Variants in COX16 observed in about 807,000 individuals in gnomAD.
COX16 encodes the protein cytochrome c oxidase assembly protein COX16 homolog, mitochondrial.
COX16 carries 12 observed loss-of-function variants against 15.4 expected under a neutral mutation model. The observed-to-expected ratio is 0.78, with a 90% CI of 0.50 to 1.26. The LOEUF is 1.26. Ranked by LOEUF, COX16 falls within the 50% of genes most tolerant of loss-of-function variation. COX16 has a pLI of 0.00. For missense variants in COX16, 124 were observed against 127.6 expected, an observed-to-expected ratio of 0.97 and a Z score of 0.14; for synonymous variants, 46 against 41.1, an observed-to-expected ratio of 1.12 and a Z score of -0.46.
At position 70,325,126 on chromosome 14, in the gene COX16, A is replaced by G. The variant is rs1886025584; in HGVS notation, c.*1207T>C. On this transcript the variant is annotated 3_prime_UTR_variant, in exon 4 of 4. Coordinates refer to ENST00000389912, the MANE Select transcript of COX16 (RefSeq NM_016468.7). ...TTAAAACCAACCTGCTGAAAAGAAT[A>G]CAAATTTTGACTAGGAGGAGAAAGG... 6.6e-6 allele frequency: 1 copy of G among 152,210 alleles called. No homozygotes were observed. Among genetic ancestry groups the G allele is most frequent in the African/African-American group, 2.4e-5 (1 of 41,460 alleles). The allele number at this position is 152,210 out of a possible 1,614,324, so 9.4% of individuals were successfully genotyped here.
At chr14:70,353,164 G>A (rs1377013413) in intron 1 of COX16, among the ~76,000 whole-genome samples, 1 of 151,202 alleles carries the variant, frequency 6.6e-6, no homozygotes, top group Non-Finnish European at 1.5e-5. Flanking sequence ...GGGAGGCTGA[G>A]GCAGGAGAAT....
At chr14:70,330,849 T>C (rs1383534213) in intron 2 of COX16, among the ~76,000 whole-genome samples, 1 of 151,858 alleles carries the variant, frequency 6.6e-6, no homozygotes, top group Non-Finnish European at 1.5e-5. Context: ...TCACATCACA[T>C]ACAAAAAAAG....
In COX16 at chr14:70,359,676, A is replaced by G. The variant is rs915959953; in HGVS notation, c.-89T>C. 1.7e-4 allele frequency: 191 copies of G among 1,137,188 alleles called. No homozygotes were observed. The highest frequency in any genetic ancestry group is 3.9e-4 in the Middle Eastern group (2 of 5,156). The allele number at this position is 1,137,188 out of a possible 1,614,324, so 70.4% of individuals were successfully genotyped here. The stretch of plus-strand genomic sequence containing the variant: ...AGCTCACGCTCTCACCAAGACGAGT[A>G]CGTCCTTAACTCACTTCCTTTTCCT... On this transcript the variant is annotated 5_prime_UTR_variant, in exon 1 of 4. Transcript: ENST00000389912.
At chr14:70,354,147 T>G (rs1222583971) in intron 1 of COX16, among the ~76,000 whole-genome samples, 2 of 151,626 alleles carry the variant, frequency 1.3e-5, no homozygotes, top group Non-Finnish European at 2.9e-5. Flanking sequence ...CCTCCTCTCT[T>G]AAAAAAACAA....
chr14:70,344,085 C>G (rs1445968215), intron 1 of COX16, among the ~76,000 whole-genome samples: 1 of 150,822 alleles, frequency 6.6e-6, no homozygotes, highest in African/African-American at 2.5e-5. Flanking sequence ...CTGGTTGAGC[C>G]CAATTACCCG....
chr14:70,354,648 GTC>G (rs1279425838), intron 1 of COX16, among the ~76,000 whole-genome samples: 4 of 152,108 alleles, frequency 2.6e-5, no homozygotes, highest in Non-Finnish European at 5.9e-5. Context: ...CGACATATGA[GTC>G]TCTTTTTTTG....
At chr14:70,332,048 C>T (rs1331266163) in intron 2 of COX16, among the ~76,000 whole-genome samples, 1 of 152,190 alleles carries the variant, frequency 6.6e-6, no homozygotes, top group East Asian at 1.9e-4. Context: ...TGGAAACAGC[C>T]CAGTCCTTCA....
At chr14:70,345,750 T>C (rs2140729462) in intron 1 of COX16, among the ~76,000 whole-genome samples, 1 of 152,254 alleles carries the variant, frequency 6.6e-6, no homozygotes, top group South Asian at 2.1e-4. Flanking sequence ...CAATTCTTGC[T>C]TACCTGTTCA....
intron 1 of COX16, among the ~76,000 whole-genome samples, chr14:70,354,100 C>T (rs1390896992): frequency 6.6e-6 from 1 of 151,700 alleles, no homozygotes; most frequent in East Asian, 1.9e-4. Context: ...TCACTTGAGG[C>T]CAGGAGTTTA....
At chr14:70,334,507 A>G (rs912556615) in intron 2 of COX16, among the ~76,000 whole-genome samples, 4 of 152,170 alleles carry the variant, frequency 2.6e-5, no homozygotes, top group Non-Finnish European at 5.9e-5. Context: ...ATAAAGCAAG[A>G]CTCCATCTCA....
At chr14:70,351,546 C>T (rs991362452) in intron 1 of COX16, among the ~76,000 whole-genome samples, 3 of 152,124 alleles carry the variant, frequency 2.0e-5, no homozygotes, top group Non-Finnish European at 2.9e-5. Context: ...CTTTACTTTA[C>T]CATCTATATA....
intron 1 of COX16, among the ~76,000 whole-genome samples, chr14:70,353,567 G>A (rs867343733): frequency 9.2e-5 from 14 of 151,822 alleles, no homozygotes; most frequent in Middle Eastern, 3.2e-3. Context: ...AGGCTGGAGT[G>A]CAGTGGTGTG....
intron 2 of COX16, among the ~76,000 whole-genome samples, chr14:70,332,613 C>T (rs962508179): frequency 4.6e-5 from 7 of 152,236 alleles, no homozygotes; most frequent in African/African-American, 1.7e-4. Flanking sequence ...GCCATCCTCT[C>T]TTCTACAGTA....
intron 2 of COX16, among the ~76,000 whole-genome samples, chr14:70,333,243 A>G (rs1186165936): frequency 6.6e-6 from 1 of 152,248 alleles, no homozygotes; most frequent in Non-Finnish European, 1.5e-5. Context: ...AAGGCACTGG[A>G]AACCAACCCT....
intron 2 of COX16, among the ~76,000 whole-genome samples, chr14:70,340,151 G>A (rs549012627): frequency 1.3e-5 from 2 of 152,256 alleles, no homozygotes; most frequent in South Asian, 2.1e-4. Context: ...AATCATGGAC[G>A]TGGTTTCCCC....
intron 2 of COX16, among the ~76,000 whole-genome samples, chr14:70,336,551 T>A (rs1886462215): frequency 6.6e-6 from 1 of 152,238 alleles, no homozygotes; most frequent in African/African-American, 2.4e-5. Context: ...TATTAATAAT[T>A]GCATGTATGT....
chr14:70,329,055 T>TAC (rs10648369), intron 3 of COX16, 119 bp downstream of exon 3: 674,287 of 786,002 alleles, frequency 0.86, 289,854 homozygotes, highest in African/African-American at 0.91. Context: ...CAAATGATTA[T>TAC]AGTTTATCAA....
chr14:70,344,679 C>T (rs1358618444), intron 1 of COX16, among the ~76,000 whole-genome samples: 1 of 152,164 alleles, frequency 6.6e-6, no homozygotes, highest in African/African-American at 2.4e-5. Flanking sequence ...GACCTGAAAG[C>T]TTAAGGAGAT....
chr14:70,354,790 G>A (rs1887071852), intron 1 of COX16, among the ~76,000 whole-genome samples: 1 of 151,930 alleles, frequency 6.6e-6, no homozygotes, highest in Non-Finnish European at 1.5e-5. Flanking sequence ...TATGCCTGGT[G>A]TAGGAAGTTA....
Sources: gnomAD v4.1 joint callset for allele counts (sites outside exome capture counted in the v4.1 genomes callset) on GRCh38, gnomAD v4.1.1 for gene constraint, MANE v1.5 for transcripts, NCBI Gene and HGNC (gene_info 2026-07-23, HGNC 2026-07-21) for gene names.